The following TSPAN9 variants were observed in gnomAD, a reference collection of about 807,000 sequenced individuals.
The protein encoded by TSPAN9 is tetraspanin-9.
A neutral mutation model predicts 31.0 loss-of-function variants in TSPAN9; 16 were observed. That is an observed-to-expected ratio of 0.52 (90% CI 0.35 to 0.78). TSPAN9 has a LOEUF of 0.78. Among genes scored for constraint, TSPAN9 ranks in the 30% least tolerant of loss-of-function variants. TSPAN9 has a pLI of 0.01. For missense variants in TSPAN9, 272 were observed against 312.5 expected (o/e 0.87, Z 0.98); for synonymous variants, 145 against 121.6 (o/e 1.19, Z -1.27).
At chr12:3,251,215 C>T (rs952110614) in intron 3 of TSPAN9, among the ~76,000 whole-genome samples, 10 of 152,170 alleles carry the variant, frequency 6.6e-5, no homozygotes, top group Non-Finnish European at 8.8e-5. Context: ...ATGTAGAGCC[C>T]CAGCAGAGAC....
At chr12:3,212,440 T>A (rs573758196) in intron 3 of TSPAN9, among the ~76,000 whole-genome samples, 41 of 152,318 alleles carry the variant, frequency 2.7e-4, no homozygotes, top group African/African-American at 9.1e-4. Context: ...ATATATTTTT[T>A]AAATTTTTAA....
At chr12:3,142,929 C>T (rs2098335573) in intron 2 of TSPAN9, among the ~76,000 whole-genome samples, 1 of 152,210 alleles carries the variant, frequency 6.6e-6, no homozygotes, top group African/African-American at 2.4e-5. Context: ...TCCTTAGGCT[C>T]CTCCGTCCTG....
chr12:3,103,966 A>T (rs2098313011), intron 2 of TSPAN9, among the ~76,000 whole-genome samples: 1 of 152,146 alleles, frequency 6.6e-6, no homozygotes, highest in African/African-American at 2.4e-5. Flanking sequence ...GCAGGGCGGG[A>T]CGGGAGGATG....
At chr12:3,103,450 G>C (rs1365440536) in intron 2 of TSPAN9, among the ~76,000 whole-genome samples, 2 of 152,214 alleles carry the variant, frequency 1.3e-5, no homozygotes, top group Non-Finnish European at 2.9e-5. Context: ...GTGCAGGCAG[G>C]CTCTAGGAAC....
intron 2 of TSPAN9, among the ~76,000 whole-genome samples, chr12:3,097,336 G>C (rs1297461212): frequency 6.6e-6 from 1 of 152,246 alleles, no homozygotes; most frequent in Non-Finnish European, 1.5e-5. Context: ...GGACTTGAGA[G>C]AGGCACGTGT....
chr12:3,106,265 G>A (rs1199111238), intron 2 of TSPAN9, among the ~76,000 whole-genome samples: 2 of 152,232 alleles, frequency 1.3e-5, no homozygotes, highest in South Asian at 2.1e-4. Context: ...TCTGACAGTG[G>A]TGGAGTCCCA....
At chr12:3,243,865 G>A (rs1196927272) in intron 3 of TSPAN9, among the ~76,000 whole-genome samples, 2 of 152,190 alleles carry the variant, frequency 1.3e-5, no homozygotes, top group Non-Finnish European at 2.9e-5. Flanking sequence ...CGCCACCTCT[G>A]AGAAGACTTC....
chr12:3,103,856 GA>G lies in TSPAN9; in HGVS notation c.-18+20142del, dbSNP rs2098312957. ...CCGGCTCTGGGGCTGCAGGAGTGAG[GA>G]AAAATCCCTGCCCTCAAGAGCTCAT... On this transcript the variant is annotated intron_variant, in intron 2 of 8. Coordinates refer to ENST00000011898, the MANE Select transcript of TSPAN9 (RefSeq NM_006675.5). 3.3e-5 allele frequency among the ~76,000 whole-genome samples: 5 copies of G among 152,308 alleles called. No individual in the cohort carries two copies. In the East Asian group the frequency reaches 9.6e-4, roughly 29 times the overall value.
intron 3 of TSPAN9, among the ~76,000 whole-genome samples, chr12:3,261,879 C>T (rs1862456452): frequency 6.6e-6 from 1 of 152,198 alleles, no homozygotes; most frequent in African/African-American, 2.4e-5. Flanking sequence ...CCTTGCCCTT[C>T]CCCCAAGGAT....
At chr12:3,195,639 G>A (rs2098366685) in intron 2 of TSPAN9, among the ~76,000 whole-genome samples, 1 of 152,140 alleles carries the variant, frequency 6.6e-6, no homozygotes, top group African/African-American at 2.4e-5. Context: ...CACAGCCACT[G>A]GTCTTTTCAT....
At position 3,089,538 on chromosome 12, in the gene TSPAN9, G is replaced by A. The variant is rs60737275; in HGVS notation, c.-18+5819G>A. Among the ~76,000 whole-genome samples, 312 of 151,922 alleles carry A rather than the reference G, an allele frequency of 2.1e-3. 1 individual carries two copies. The highest frequency in any genetic ancestry group is 6.1e-3 in the East Asian group (31 of 5,070). On this transcript the variant is annotated intron_variant, in intron 2 of 8. Coordinates refer to ENST00000011898, the MANE Select transcript of TSPAN9 (RefSeq NM_006675.5). ...TCTCGATCTCCTGACCTCGTGATCC[G>A]CCCTCCTTGGCCTCCCAAAGTGCTG...
At chr12:3,161,015 G>T (rs2098344869) in intron 2 of TSPAN9, among the ~76,000 whole-genome samples, 1 of 152,142 alleles carries the variant, frequency 6.6e-6, no homozygotes, top group African/African-American at 2.4e-5. Context: ...GAGTTTGGCA[G>T]TTCTAGATCA....
chr12:3,255,015 A>G (rs1313264665), intron 3 of TSPAN9, among the ~76,000 whole-genome samples: 1 of 152,060 alleles, frequency 6.6e-6, no homozygotes, highest in African/African-American at 2.4e-5. Context: ...TCGCCAAGAG[A>G]TTGGCTTTGA....
intron 3 of TSPAN9, among the ~76,000 whole-genome samples, chr12:3,243,196 C>T (rs987999160): frequency 2.0e-4 from 30 of 152,134 alleles, no homozygotes; most frequent in Admixed American, 1.0e-3. Flanking sequence ...TCCCTGTACC[C>T]GAGTTACTGT....
At chr12:3,095,512 C>A (rs1401019397) in intron 2 of TSPAN9, among the ~76,000 whole-genome samples, 2 of 105,462 alleles carry the variant, frequency 1.9e-5, no homozygotes, top group African/African-American at 7.6e-5. Context: ...GACCCCCCCC[C>A]ACCTCCCTCC....
rs1013582991 is a variant in TSPAN9, at chr12:3,284,164, C to T, written c.*1048C>T. On this transcript the variant is annotated 3_prime_UTR_variant, in exon 9 of 9. Transcript: ENST00000011898. The stretch of plus-strand genomic sequence containing the variant: ...CCACCCCATGTGGGTATTCCCACAA[C>T]AGGTTCTGCACACCCCAGTTATTTC... 4 of 152,708 alleles carry T rather than the reference C, an allele frequency of 2.6e-5. No homozygotes were observed. Among genetic ancestry groups the T allele is most frequent in the African/African-American group, 9.6e-5 (4 of 41,464 alleles). The allele number at this position is 152,708 out of a possible 1,614,324, so 9.5% of individuals were successfully genotyped here.
intron 2 of TSPAN9, among the ~76,000 whole-genome samples, chr12:3,093,305 G>C (rs145013868): frequency 6.6e-6 from 1 of 152,288 alleles, no homozygotes; most frequent in Admixed American, 6.5e-5. Context: ...GGCCAGGCGT[G>C]GGGGGCAGTA....
At chr12:3,256,193 G>T (rs1484018349) in intron 3 of TSPAN9, among the ~76,000 whole-genome samples, 2 of 152,212 alleles carry the variant, frequency 1.3e-5, no homozygotes, top group African/African-American at 4.8e-5. Context: ...GTGGGGGCGG[G>T]GTCCCGAGGC....
chr12:3,141,167 G>T (rs568690418), intron 2 of TSPAN9, among the ~76,000 whole-genome samples: 1 of 151,964 alleles, frequency 6.6e-6, no homozygotes, highest in East Asian at 1.9e-4. Flanking sequence ...AGTCTCTGTC[G>T]GCTCTCAAAT....
Sources: gnomAD v4.1 joint callset for allele counts (sites outside exome capture counted in the v4.1 genomes callset) on GRCh38, gnomAD v4.1.1 for gene constraint, MANE v1.5 for transcripts, NCBI Gene and HGNC (gene_info 2026-07-23, HGNC 2026-07-21) for gene names.